PARD3B: variants seen among roughly 807,000 people sequenced by gnomAD.
PARD3B encodes the protein partitioning defective 3 homolog B.
PARD3B carries 103 observed loss-of-function variants against 130.2 expected under a neutral mutation model. The ratio of observed to expected loss-of-function variants is 0.79; its 90% CI spans 0.67 to 0.93. PARD3B has a LOEUF of 0.93. Among genes scored for constraint, PARD3B ranks in the 40% least tolerant of loss-of-function variants. The probability of loss-of-function intolerance (pLI) is 0.00; values close to 1 mark genes in which losing one functional copy is unlikely to be tolerated. For missense variants in PARD3B, 1,609 were observed against 1,499.2 expected (o/e 1.07, Z -1.21); for synonymous variants, 583 against 553.2 (o/e 1.05, Z -0.76).
intron 3 of PARD3B, among the ~76,000 whole-genome samples, chr2:204,994,877 G>A (rs1694015780): frequency 1.3e-5 from 2 of 151,814 alleles, no homozygotes; most frequent in Admixed American, 1.3e-4. Flanking sequence ...TTTAAAGTCT[G>A]TTTAATCCGA....
intron 2 of PARD3B, among the ~76,000 whole-genome samples, chr2:204,840,515 A>T (rs1344404410): frequency 6.6e-6 from 1 of 150,686 alleles, no homozygotes; most frequent in Non-Finnish European, 1.5e-5. Flanking sequence ...AGAAGTGAAT[A>T]AAATAGATGA....
chr2:205,227,927 A>G (rs2125887294), intron 15 of PARD3B, among the ~76,000 whole-genome samples: 1 of 152,290 alleles, frequency 6.6e-6, no homozygotes. Flanking sequence ...ACTGATGACA[A>G]CACTGACTGC....
chr2:205,133,882 G>A (rs1015763142), intron 10 of PARD3B, among the ~76,000 whole-genome samples: 2 of 152,180 alleles, frequency 1.3e-5, no homozygotes, highest in Admixed American at 6.5e-5. Flanking sequence ...GTGCCACCTT[G>A]TAACTTGTAG....
intron 1 of PARD3B, among the ~76,000 whole-genome samples, chr2:204,553,651 CAT>C (rs55744172): frequency 0.019 from 1,591 of 82,876 alleles, 14 homozygotes; most frequent in African/African-American, 0.041. Flanking sequence ...TATATATATC[CAT>C]ATATATATAT....
chr2:204,748,631 A>G (rs1286644703), intron 2 of PARD3B, among the ~76,000 whole-genome samples: 1 of 152,130 alleles, frequency 6.6e-6, no homozygotes, highest in Non-Finnish European at 1.5e-5. Flanking sequence ...TAAAACACAG[A>G]TTGCTGGTCC....
chr2:205,089,464 G>T (rs1281952853), intron 4 of PARD3B, among the ~76,000 whole-genome samples: 1 of 152,004 alleles, frequency 6.6e-6, no homozygotes, highest in African/African-American at 2.4e-5. Context: ...TTAATCCTTG[G>T]GCTTACTCAT....
intron 10 of PARD3B, among the ~76,000 whole-genome samples, chr2:205,127,398 CTTG>C (rs967522358): frequency 2.0e-5 from 3 of 151,978 alleles, no homozygotes; most frequent in African/African-American, 7.3e-5. Flanking sequence ...GTATTTACTC[CTTG>C]TTATTTCCTT....
chr2:205,117,968 T>C (rs1175920387), intron 6 of PARD3B, among the ~76,000 whole-genome samples: 1 of 35,386 alleles, frequency 2.8e-5, no homozygotes, highest in Non-Finnish European at 7.1e-5. Flanking sequence ...TTCTAGTGGC[T>C]ATAGTTTTCT....
chr2:204,625,224 G>C (rs1030674077), intron 1 of PARD3B, among the ~76,000 whole-genome samples: 1 of 152,056 alleles, frequency 6.6e-6, no homozygotes, highest in Admixed American at 6.6e-5. Flanking sequence ...CAGGACAATT[G>C]TTGTGGATTC....
rs545746603 is a variant in PARD3B at position 205,091,863 on chromosome 2, G to C, written c.505-12563G>C. 6.6e-6 allele frequency among the ~76,000 whole-genome samples: 1 copy of C among 152,028 alleles called. No individual in the cohort carries two copies. Among genetic ancestry groups the C allele is most frequent in the South Asian group, 2.1e-4 (1 of 4,822 alleles). ...AAAGTGTATACATTTTTTCATCTCT[G>C]TATCTCCAGTGCTTAGCACTGGAGC... On this transcript the variant is annotated intron_variant, in intron 4 of 22. Coordinates refer to ENST00000406610, the MANE Select transcript of PARD3B (RefSeq NM_001302769.2). This position sits in a 1 kb window ranked among gnomAD's most constrained non-coding sequence, Gnocchi z 4.2.
At chr2:204,980,231 A>G (rs1267359650) in intron 3 of PARD3B, among the ~76,000 whole-genome samples, 4 of 152,206 alleles carry the variant, frequency 2.6e-5, no homozygotes, top group African/African-American at 9.6e-5. Flanking sequence ...ATCAATCGTG[A>G]CAGAAAAGCA....
chr2:205,567,318 T>G (rs923534794), intron 22 of PARD3B, among the ~76,000 whole-genome samples: 5 of 121,720 alleles, frequency 4.1e-5, no homozygotes, highest in South Asian at 3.1e-4. Flanking sequence ...TTTTTTTTTT[T>G]TTTTTTTTTT....
chr2:205,139,717 A>G (rs2032789618), intron 10 of PARD3B, among the ~76,000 whole-genome samples: 1 of 152,074 alleles, frequency 6.6e-6, no homozygotes, highest in South Asian at 2.1e-4. Flanking sequence ...CAGCTGTATA[A>G]CTGAGTATGA....
At chr2:205,115,202 A>C (rs1703941332) in intron 6 of PARD3B, among the ~76,000 whole-genome samples, 1 of 152,270 alleles carries the variant, frequency 6.6e-6, no homozygotes, top group African/African-American at 2.4e-5. Context: ...AGGGAAATAC[A>C]CTAAGCTTTA....
intron 19 of PARD3B, among the ~76,000 whole-genome samples, chr2:205,422,606 C>T (rs1023072262): frequency 3.3e-5 from 5 of 152,138 alleles, no homozygotes; most frequent in Admixed American, 2.0e-4. Context: ...CTCTGCAGTA[C>T]CCTGCTAACC....
At chr2:205,150,262 C>T (rs1261107105) in intron 10 of PARD3B, among the ~76,000 whole-genome samples, 1 of 149,370 alleles carries the variant, frequency 6.7e-6, no homozygotes, top group Non-Finnish European at 1.5e-5. Flanking sequence ...TGCACACACG[C>T]TTGAAATCTG....
chr2:205,589,640 A>C lies in PARD3B; in HGVS notation c.3261-25816A>C, dbSNP rs2054314365. On this transcript the variant is annotated intron_variant, in intron 22 of 22. Coordinates refer to ENST00000406610, the MANE Select transcript of PARD3B (RefSeq NM_001302769.2). The surrounding 1 kb of genome is among the most constrained non-coding windows in gnomAD (Gnocchi z 4.1). ...TGGCATGTTTTCTATTTATATAACTAATTGCAAATTAATTGCACCCTCACA... is the reference window on the plus strand; with the variant it reads ...TGGCATGTTTTCTATTTATATAACTCATTGCAAATTAATTGCACCCTCACA... 6.6e-6 allele frequency among the ~76,000 whole-genome samples: 1 copy of C among 152,196 alleles called. No homozygotes were observed. The highest frequency in any genetic ancestry group is 2.4e-5 in the African/African-American group (1 of 41,456).
At position 205,146,435 on chromosome 2, in the gene PARD3B, G is replaced by T. The variant is rs1660563871; in HGVS notation, c.1435-12287G>T. On this transcript the variant is annotated intron_variant, in intron 10 of 22. Transcript: ENST00000406610. The surrounding 1 kb of genome is among the most constrained non-coding windows in gnomAD (Gnocchi z 4.3). ...GAGGCCGAGGTGGGCGGATCATGAG[G>T]TCAGGAGATCGAGACCATCCTGGCT... Among the ~76,000 whole-genome samples, 1 of 151,958 alleles carries T rather than the reference G, an allele frequency of 6.6e-6. No individual in the cohort carries two copies. Among genetic ancestry groups the T allele is most frequent in the African/African-American group, 2.4e-5 (1 of 41,416 alleles).
Position 205,281,957 on chromosome 2 carries a change from C to T in PARD3B, c.2186-18573C>T, listed in dbSNP as rs2041206782. 6.6e-6 allele frequency among the ~76,000 whole-genome samples: 1 copy of T among 152,152 alleles called. No individual in the cohort carries two copies. Among genetic ancestry groups the T allele is most frequent in the South Asian group, 2.1e-4 (1 of 4,832 alleles). ...CTTACACACATCAGTAGCTTTTGTT[C>T]ACTTTGTTGAAAATTTCCCATTCGT... On this transcript the variant is annotated intron_variant, in intron 16 of 22. Transcript: ENST00000406610. The surrounding 1 kb of genome is among the most constrained non-coding windows in gnomAD (Gnocchi z 4.2).
Sources: allele counts gnomAD v4.1 joint callset (sites outside exome capture counted in the v4.1 genomes callset), GRCh38; gene constraint gnomAD v4.1.1; non-coding constraint Gnocchi (gnomAD v3.1); transcripts MANE v1.5; gene names NCBI Gene and HGNC (gene_info 2026-07-23, HGNC 2026-07-21).